Variants in LRRTM4 observed in about 807,000 individuals in gnomAD.
LRRTM4 encodes leucine rich repeat transmembrane neuronal 4.
A neutral mutation model predicts 47.6 loss-of-function variants in LRRTM4; 25 were observed. That is an observed-to-expected ratio of 0.53 (90% CI 0.38 to 0.73). LRRTM4 has a LOEUF of 0.73. LRRTM4 is among the 30% of genes least tolerant of loss of function. The pLI, the probability that LRRTM4 is intolerant of heterozygous loss-of-function variation, is 0.00. For synonymous variants in LRRTM4, 311 were observed against 269.5 expected (o/e 1.15, Z -1.51); for missense variants, 638 against 713.4 (o/e 0.89, Z 1.20).
At chr2:76,782,393 C>T (rs1335550089) in intron 3 of LRRTM4, among the ~76,000 whole-genome samples, 3 of 152,120 alleles carry the variant, frequency 2.0e-5, no homozygotes, top group African/African-American at 4.8e-5. Context: ...TCCAGTATAA[C>T]TAGTGGTGCT....
At chr2:77,397,013 T>G (rs1240436127) in intron 3 of LRRTM4, among the ~76,000 whole-genome samples, 1 of 151,896 alleles carries the variant, frequency 6.6e-6, no homozygotes, top group Non-Finnish European at 1.5e-5. Context: ...ACTCATTGAT[T>G]CACTTTTTCA....
At chr2:76,956,997 CAA>C (rs916809401) in intron 3 of LRRTM4, among the ~76,000 whole-genome samples, 1 of 151,426 alleles carries the variant, frequency 6.6e-6, no homozygotes. Context: ...TAACAATAAA[CAA>C]GAGTTAGAAA....
intron 3 of LRRTM4, among the ~76,000 whole-genome samples, chr2:76,811,540 A>G (rs1360408195): frequency 6.6e-6 from 1 of 152,136 alleles, no homozygotes; most frequent in Non-Finnish European, 1.5e-5. Flanking sequence ...ATCTGATGGA[A>G]AAACCTATTC....
At chr2:77,154,687 T>C (rs1052131301) in intron 3 of LRRTM4, among the ~76,000 whole-genome samples, 1 of 152,132 alleles carries the variant, frequency 6.6e-6, no homozygotes, top group Admixed American at 6.6e-5. Context: ...ATATTTAGCA[T>C]AAAATTCTTT....
intron 3 of LRRTM4, among the ~76,000 whole-genome samples, chr2:76,902,947 A>C (rs1198204468): frequency 6.6e-6 from 1 of 151,586 alleles, no homozygotes; most frequent in Non-Finnish European, 1.5e-5. Context: ...GTAACTTTTT[A>C]TATAATAAAC....
At chr2:77,053,283 C>A (rs1679498948) in intron 3 of LRRTM4, among the ~76,000 whole-genome samples, 1 of 152,052 alleles carries the variant, frequency 6.6e-6, no homozygotes, top group African/African-American at 2.4e-5. Flanking sequence ...ATAAGATATT[C>A]ATACTTTTAA....
chr2:76,876,796 ATC>A (rs777060040), intron 3 of LRRTM4, among the ~76,000 whole-genome samples: 69 of 151,914 alleles, frequency 4.5e-4, no homozygotes, highest in Non-Finnish European at 6.9e-4. Flanking sequence ...TTTGTACTTT[ATC>A]TCTGTCAATT....
At chr2:77,495,552 T>C (rs1678329347) in intron 3 of LRRTM4, among the ~76,000 whole-genome samples, 1 of 152,070 alleles carries the variant, frequency 6.6e-6, no homozygotes, top group Admixed American at 6.6e-5. Context: ...CTATGATCCA[T>C]GAAATCAAAT....
intron 3 of LRRTM4, among the ~76,000 whole-genome samples, chr2:77,504,081 T>C (rs1377091355): frequency 1.3e-5 from 2 of 151,624 alleles, no homozygotes; most frequent in Middle Eastern, 3.2e-3. Flanking sequence ...TTTAAAGTTA[T>C]AAGAAAATTC....
chr2:76,884,266 G>A (rs980180894), intron 3 of LRRTM4, among the ~76,000 whole-genome samples: 2 of 152,168 alleles, frequency 1.3e-5, no homozygotes, highest in African/African-American at 4.8e-5. Flanking sequence ...AGAAGAAAGA[G>A]TCTAAATGAA....
intron 3 of LRRTM4, among the ~76,000 whole-genome samples, chr2:77,358,058 T>G (rs1415482264): frequency 6.6e-6 from 1 of 152,182 alleles, no homozygotes. Context: ...CTTTAACCTT[T>G]CTCCTAAAGC....
At chr2:76,901,434 C>A (rs1673628213) in intron 3 of LRRTM4, among the ~76,000 whole-genome samples, 1 of 151,994 alleles carries the variant, frequency 6.6e-6, no homozygotes, top group Admixed American at 6.6e-5. Context: ...ACCACATTTT[C>A]TTTATCTAGT....
intron 3 of LRRTM4, among the ~76,000 whole-genome samples, chr2:77,204,459 A>G (rs535769254): frequency 1.1e-4 from 16 of 152,104 alleles, no homozygotes; most frequent in Admixed American, 1.1e-3. Flanking sequence ...ATCAAATAGA[A>G]TGAAGCATTT....
chr2:76,768,314 A>C (rs1376293464), intron 3 of LRRTM4, among the ~76,000 whole-genome samples: 1 of 152,168 alleles, frequency 6.6e-6, no homozygotes, highest in African/African-American at 2.4e-5. Flanking sequence ...ACAAATACAC[A>C]CAACACTTAA....
At chr2:77,468,211 C>A (rs1677052719) in intron 3 of LRRTM4, among the ~76,000 whole-genome samples, 1 of 152,080 alleles carries the variant, frequency 6.6e-6, no homozygotes, top group African/African-American at 2.4e-5. Context: ...TTCATCAAAA[C>A]CACATCAATT....
At chr2:77,224,012 A>C (rs1235050854) in intron 3 of LRRTM4, among the ~76,000 whole-genome samples, 2 of 151,826 alleles carry the variant, frequency 1.3e-5, no homozygotes, top group Non-Finnish European at 2.9e-5. Flanking sequence ...CAAAACAGAG[A>C]TATAGACCAA....
chr2:76,902,587 G>C (rs1195249409), intron 3 of LRRTM4, among the ~76,000 whole-genome samples: 1 of 152,150 alleles, frequency 6.6e-6, no homozygotes, highest in African/African-American at 2.4e-5. Flanking sequence ...CCAGAAATGG[G>C]AGCCTTATAA....
intron 3 of LRRTM4, among the ~76,000 whole-genome samples, chr2:77,512,280 T>C (rs1485793830): frequency 6.6e-6 from 1 of 152,238 alleles, no homozygotes; most frequent in Non-Finnish European, 1.5e-5. Flanking sequence ...AAAAGCCAAT[T>C]GTTTTGATAC....
At chr2:77,185,598 G>A (rs558975889) in intron 3 of LRRTM4, among the ~76,000 whole-genome samples, 9 of 152,226 alleles carry the variant, frequency 5.9e-5, no homozygotes, top group South Asian at 2.1e-4. Flanking sequence ...GAGGGTCAGC[G>A]TTCATGGTTA....
Sources: gnomAD v4.1 joint callset for allele counts (sites outside exome capture counted in the v4.1 genomes callset) on GRCh38, gnomAD v4.1.1 for gene constraint, MANE v1.5 for transcripts, NCBI Gene and HGNC (gene_info 2026-07-23, HGNC 2026-07-21) for gene names.